The following TM4SF4 variants were observed in gnomAD, a reference collection of about 807,000 sequenced individuals.
The protein encoded by TM4SF4 is transmembrane 4 L6 family member 4.
In TM4SF4, 24 loss-of-function variants were observed where a neutral mutation model predicts 24.1. That is an observed-to-expected ratio of 1.00 (90% CI 0.72 to 1.40). The LOEUF is 1.40. Ranked by LOEUF, TM4SF4 falls within the 40% of genes most tolerant of loss-of-function variation. The probability of loss-of-function intolerance (pLI) is 0.00; values close to 1 mark genes in which losing one functional copy is unlikely to be tolerated. For missense variants in TM4SF4, 254 were observed against 254.2 expected, an observed-to-expected ratio of 1.00 and a Z score of 0.01; for synonymous variants, 113 against 97.0, an observed-to-expected ratio of 1.17 and a Z score of -0.97.
chr3:149,475,942 A>G (rs1405192035), intron 2 of TM4SF4, 30 bp downstream of exon 2: 7 of 1,578,598 alleles, frequency 4.4e-6, no homozygotes, highest in Non-Finnish European at 6.1e-6. Context: ...AGCTACTAGA[A>G]TTACTCCAGG....
intron 3 of TM4SF4, among the ~76,000 whole-genome samples, chr3:149,492,013 T>C (rs1481551557): frequency 2.0e-5 from 3 of 152,088 alleles, no homozygotes; most frequent in Non-Finnish European, 4.4e-5. Flanking sequence ...AGACATGGCA[T>C]GGCTACTTTG....
rs1316199640 is a variant in TM4SF4 at position 149,481,044 on chromosome 3, TAG to T, written c.264+5136_264+5137del. Among the ~76,000 whole-genome samples the T allele has an allele frequency of 3.3e-5, 5 of 152,184 alleles. No homozygotes were observed. The East Asian group carries it at 9.7e-4, about 29-fold the overall frequency. On this transcript the variant is annotated intron_variant, in intron 2 of 4. Coordinates refer to ENST00000305354, the MANE Select transcript of TM4SF4 (RefSeq NM_004617.4). ...CCCAGCTAATTTTTTGTATTTTTAG[TAG>T]AGACTGCATTTCACTATGTTGGCCA...
At chr3:149,487,862 C>G in intron 3 of TM4SF4, 107 bp downstream of exon 3, 3 of 1,472,150 alleles carry the variant, frequency 2.0e-6, no homozygotes, top group Non-Finnish European at 2.8e-6. Flanking sequence ...CTTATGCAAG[C>G]CTCAGGCTCG....
intron 3 of TM4SF4, chr3:149,495,588 G>T: frequency 2.8e-6 from 1 of 351,230 alleles, no homozygotes; most frequent in South Asian, 3.0e-5. Context: ...TTTTTGTAAT[G>T]GCAACATTGC....
intron 2 of TM4SF4, among the ~76,000 whole-genome samples, chr3:149,484,834 G>A (rs1734090146): frequency 6.6e-6 from 1 of 152,154 alleles, no homozygotes; most frequent in Admixed American, 6.5e-5. Flanking sequence ...TTACAGTCGT[G>A]AGCCACCACG....
rs1208214516 is a variant in TM4SF4 at position 149,474,848 on chromosome 3, GA to G, written c.-29del. On this transcript the variant is annotated 5_prime_UTR_variant, in exon 1 of 5. Coordinates refer to ENST00000305354, the MANE Select transcript of TM4SF4 (RefSeq NM_004617.4). ...GTGAAGGAGGCAGTGAGGAGCTTTT[GA>G]TTGCTGACCTGTGTCGTACCACCCC... 6.3e-7 allele frequency: 1 copy of G among 1,578,708 alleles called. No homozygotes were observed. Among genetic ancestry groups the G allele is most frequent in the Non-Finnish European group, 8.6e-7 (1 of 1,164,922 alleles).
chr3:149,496,071 T>C (rs369930682), intron 3 of TM4SF4: 2 of 188,304 alleles, frequency 1.1e-5, no homozygotes, highest in South Asian at 1.2e-4. Flanking sequence ...ACCTCAGAAC[T>C]GTTTGTCTCA....
chr3:149,483,296 G>C (rs960316441), intron 2 of TM4SF4, among the ~76,000 whole-genome samples: 1 of 152,214 alleles, frequency 6.6e-6, no homozygotes, highest in East Asian at 1.9e-4. Context: ...CAGAAAACCA[G>C]CCATATAAAC....
At chr3:149,483,431 A>G (rs1262254782) in intron 2 of TM4SF4, among the ~76,000 whole-genome samples, 1 of 152,066 alleles carries the variant, frequency 6.6e-6, no homozygotes, top group East Asian at 1.9e-4. Flanking sequence ...CCTGGGCAAC[A>G]CAGTGAGACC....
rs747355584 is a variant in TM4SF4, at chr3:149,474,906, T to TG, written c.36dup (p.Thr13AspfsTer13). The TG allele has an allele frequency of 1.2e-5, 20 of 1,613,558 alleles. No homozygotes were observed. In the Admixed American group the frequency reaches 1.7e-4, roughly 13 times the overall value. ...TGCACTGGGGGCTGTGCCAGATGCC[T>TG]GGGGGGGACCCTCATTCCCCTTGCT... On this transcript the variant is annotated frameshift_variant, in exon 1 of 5. Coordinates refer to ENST00000305354, the MANE Select transcript of TM4SF4 (RefSeq NM_004617.4). LOFTEE classifies it high-confidence loss of function.
chr3:149,502,185 T>TGTTA (rs1734440476), intron 4 of TM4SF4, among the ~76,000 whole-genome samples: 1 of 152,204 alleles, frequency 6.6e-6, no homozygotes, highest in South Asian at 2.1e-4. Context: ...CTCTCCTACT[T>TGTTA]GTTAGTGGTG....
At chr3:149,476,873 T>C (rs1303121008) in intron 2 of TM4SF4, among the ~76,000 whole-genome samples, 2 of 146,962 alleles carry the variant, frequency 1.4e-5, no homozygotes, top group Non-Finnish European at 3.0e-5. Context: ...AGATCTTGGC[T>C]CACAGCAGGC....
intron 2 of TM4SF4, among the ~76,000 whole-genome samples, chr3:149,483,839 G>A (rs4681174): frequency 0.31 from 46,336 of 151,862 alleles, 7,444 homozygotes; most frequent in Non-Finnish European, 0.36. Flanking sequence ...GGAGTGCAGC[G>A]GTGTGATCTC....
At chr3:149,489,816 A>G (rs1054313508) in intron 3 of TM4SF4, among the ~76,000 whole-genome samples, 3 of 152,226 alleles carry the variant, frequency 2.0e-5, no homozygotes, top group African/African-American at 7.2e-5. Context: ...GTACCAGATT[A>G]TAAAGATTTG....
chr3:149,480,115 G>A (rs1734008151), intron 2 of TM4SF4, among the ~76,000 whole-genome samples: 1 of 141,794 alleles, frequency 7.1e-6, no homozygotes, highest in Non-Finnish European at 1.6e-5. Context: ...CGGGAAAAGT[G>A]AGCCCTGGAG....
chr3:149,478,747 A>AT (rs1432850309), intron 2 of TM4SF4, among the ~76,000 whole-genome samples: 3 of 152,156 alleles, frequency 2.0e-5, no homozygotes, highest in African/African-American at 4.8e-5. Flanking sequence ...CTTGTCTTTG[A>AT]TTTTTTTGTT....
chr3:149,476,519 A>T (rs1325785109), intron 2 of TM4SF4, among the ~76,000 whole-genome samples: 1 of 152,208 alleles, frequency 6.6e-6, no homozygotes, highest in Non-Finnish European at 1.5e-5. Flanking sequence ...TGCAGTGGAA[A>T]GAATGCTGGG....
At chr3:149,477,439 C>T (rs34394409) in intron 2 of TM4SF4, among the ~76,000 whole-genome samples, 34,515 of 152,224 alleles carry the variant, frequency 0.23, 4,709 homozygotes, top group Non-Finnish European at 0.31. Context: ...GAATTAACCA[C>T]ATTTACTTTA....
At position 149,477,881 on chromosome 3, in the gene TM4SF4, T is replaced by A. The variant is rs567550325; in HGVS notation, c.264+1969T>A. Reference sequence around the variant, plus strand: ...AAGTTGGAGATGAGGATTTTTTTTTTAATTAGCTATTAAGAAAATAGGATG... The same window carrying A: ...AAGTTGGAGATGAGGATTTTTTTTTAAATTAGCTATTAAGAAAATAGGATG... On this transcript the variant is annotated intron_variant, in intron 2 of 4. Transcript: ENST00000305354. Among the ~76,000 whole-genome samples, 14 of 152,306 alleles carry A rather than the reference T, an allele frequency of 9.2e-5. No homozygotes were observed. In the East Asian group the frequency reaches 2.5e-3, roughly 27 times the overall value.
Sources: gnomAD v4.1 joint callset for allele counts (sites outside exome capture counted in the v4.1 genomes callset) on GRCh38, gnomAD v4.1.1 for gene constraint, MANE v1.5 for transcripts, NCBI Gene and HGNC (gene_info 2026-07-23, HGNC 2026-07-21) for gene names.